Variants in SLC24A2 observed in about 807,000 individuals in gnomAD.
The protein encoded by SLC24A2 is solute carrier family 24 member 2, also known as sodium/potassium/calcium exchanger 2.
Under a neutral mutation model 62.0 loss-of-function variants are expected in SLC24A2, and 36 were observed. The observed-to-expected ratio is 0.58, with a 90% CI of 0.44 to 0.77. The LOEUF (loss-of-function observed/expected upper bound fraction) is 0.77, where lower values mean the gene tolerates loss of function less well. Among genes scored for constraint, SLC24A2 ranks in the 30% least tolerant of loss-of-function variants. SLC24A2 has a pLI of 0.00. For missense variants in SLC24A2, 846 were observed against 817.9 expected (o/e 1.03, Z -0.42); for synonymous variants, 358 against 294.0 (o/e 1.22, Z -2.23).
the SLC24A2 span, among the ~76,000 whole-genome samples, chr9:20,125,255 G>A: frequency 1.3e-5 from 2 of 152,014 alleles, no homozygotes; most frequent in Non-Finnish European, 2.9e-5. Context: ...TCAATTTTTA[G>A]AACTCCTATT....
At chr9:20,230,750 T>C in the SLC24A2 span, among the ~76,000 whole-genome samples, 1 of 152,212 alleles carries the variant, frequency 6.6e-6, no homozygotes, top group Non-Finnish European at 1.5e-5. Flanking sequence ...AGATCCCATT[T>C]GTCAATTTTG....
the SLC24A2 span, among the ~76,000 whole-genome samples, chr9:19,951,013 A>G: frequency 6.6e-6 from 1 of 152,174 alleles, no homozygotes; most frequent in Non-Finnish European, 1.5e-5. Context: ...TAGAGCTGGG[A>G]TGTTCTCCAG....
At chr9:19,637,301 G>A (rs1397797328) in intron 2 of SLC24A2, among the ~76,000 whole-genome samples, 1 of 152,280 alleles carries the variant, frequency 6.6e-6, no homozygotes, top group Non-Finnish European at 1.5e-5. Flanking sequence ...AGTGGGCAGA[G>A]ACTGGGCAGG....
At chr9:19,837,458 CAAAAAAAAAAAAAAAAAAAAAA>C in the SLC24A2 span, among the ~76,000 whole-genome samples, 203 of 22,362 alleles carry the variant, frequency 9.1e-3, 1 homozygote, top group East Asian at 0.017. Flanking sequence ...GACTCCGTCT[CAAAAAAAAAAAAAAAAAAAAAA>C]AAAAAAAAAA....
chr9:19,577,499 C>G (rs911042333), intron 5 of SLC24A2, among the ~76,000 whole-genome samples: 42 of 152,138 alleles, frequency 2.8e-4, no homozygotes, highest in Admixed American at 2.8e-3. Context: ...AAATCTGAAA[C>G]ACTTCTGGTC....
intron 2 of SLC24A2, among the ~76,000 whole-genome samples, chr9:19,659,024 C>T (rs1161993844): frequency 2.0e-5 from 3 of 152,148 alleles, no homozygotes; most frequent in Non-Finnish European, 4.4e-5. Context: ...TGCTGAAATC[C>T]TAACCCCCAG....
chr9:19,882,465 T>C, the SLC24A2 span, among the ~76,000 whole-genome samples: 13,701 of 151,966 alleles, frequency 0.09, 740 homozygotes, highest in African/African-American at 0.13. Flanking sequence ...ATCTCTTCCT[T>C]GTGACTGATA....
chr9:20,254,358 C>A, the SLC24A2 span, among the ~76,000 whole-genome samples: 158 of 152,276 alleles, frequency 1.0e-3, 1 homozygote, highest in East Asian at 0.025. Context: ...TTGTTTAGCA[C>A]CCACTGTGTG....
chr9:19,522,558 A>T (rs938002993), intron 9 of SLC24A2, among the ~76,000 whole-genome samples: 1 of 152,160 alleles, frequency 6.6e-6, no homozygotes, highest in Non-Finnish European at 1.5e-5. Flanking sequence ...TTAAAAGCAT[A>T]TTTTTGTTTT....
the SLC24A2 span, among the ~76,000 whole-genome samples, chr9:19,947,814 AAGAAAG>A: frequency 9.9e-6 from 1 of 101,122 alleles, no homozygotes; most frequent in Non-Finnish European, 2.4e-5. Flanking sequence ...AAAAAAAAGA[AAGAAAG>A]AAAGAAAGAA....
At chr9:19,686,598 T>C (rs1819887759) in intron 2 of SLC24A2, among the ~76,000 whole-genome samples, 1 of 152,100 alleles carries the variant, frequency 6.6e-6, no homozygotes. Flanking sequence ...TGATAGTGAG[T>C]TCTCACAAGA....
chr9:19,533,094 C>A (rs771054869), intron 8 of SLC24A2, among the ~76,000 whole-genome samples: 6 of 152,130 alleles, frequency 3.9e-5, no homozygotes, highest in Non-Finnish European at 7.4e-5. Flanking sequence ...CACTGTCATA[C>A]AATTTGCATA....
the SLC24A2 span, among the ~76,000 whole-genome samples, chr9:20,030,859 C>G: frequency 6.6e-6 from 1 of 152,002 alleles, no homozygotes; most frequent in Non-Finnish European, 1.5e-5. Context: ...AATGTAGTAT[C>G]CCTTAATATG....
the SLC24A2 span, among the ~76,000 whole-genome samples, chr9:20,202,050 G>GGA: frequency 7.1e-6 from 1 of 141,680 alleles, no homozygotes; most frequent in Non-Finnish European, 1.5e-5. Flanking sequence ...CCCATTTCAT[G>GGA]GTGTGTGTGT....
the SLC24A2 span, among the ~76,000 whole-genome samples, chr9:20,128,184 T>C: frequency 6.6e-6 from 1 of 152,170 alleles, no homozygotes; most frequent in Non-Finnish European, 1.5e-5. Flanking sequence ...ATGGTTTGTG[T>C]GTTTTAGAAA....
chr9:19,623,522 A>G (rs1817960383), intron 2 of SLC24A2, among the ~76,000 whole-genome samples: 1 of 152,242 alleles, frequency 6.6e-6, no homozygotes, highest in Non-Finnish European at 1.5e-5. Context: ...GTGTAAAAAA[A>G]ATAGAAGGGA....
the SLC24A2 span, among the ~76,000 whole-genome samples, chr9:20,183,409 G>A: frequency 6.6e-6 from 1 of 152,248 alleles, no homozygotes; most frequent in Admixed American, 6.5e-5. Context: ...ACACAGCCAT[G>A]TTCCTTTGGA....
At chr9:19,610,883 C>G (rs1245805632) in intron 4 of SLC24A2, among the ~76,000 whole-genome samples, 1 of 152,210 alleles carries the variant, frequency 6.6e-6, no homozygotes, top group African/African-American at 2.4e-5. Context: ...CAAATATGTA[C>G]TGGGGCCCAC....
the SLC24A2 span, among the ~76,000 whole-genome samples, chr9:20,089,384 G>A: frequency 1.3e-5 from 2 of 152,104 alleles, no homozygotes; most frequent in Non-Finnish European, 2.9e-5. Flanking sequence ...TTTCTCCAAG[G>A]AGGAAATCTT....
Sources: gnomAD v4.1 joint callset for allele counts (sites outside exome capture counted in the v4.1 genomes callset) on GRCh38, gnomAD v4.1.1 for gene constraint, MANE v1.5 for transcripts, NCBI Gene and HGNC (gene_info 2026-07-23, HGNC 2026-07-21) for gene names.